Variants in GSN observed in about 807,000 individuals in gnomAD.
GSN encodes actin-depolymerizing factor.
A neutral mutation model predicts 85.7 loss-of-function variants in GSN; 56 were observed. The observed-to-expected ratio is 0.65, with a 90% CI of 0.53 to 0.82. GSN has a LOEUF of 0.82. Ranked by LOEUF, GSN falls within the 40% of genes least tolerant of loss-of-function variation. The probability of loss-of-function intolerance (pLI) is 0.00; values close to 1 mark genes in which losing one functional copy is unlikely to be tolerated. For missense variants in GSN, 857 were observed against 979.8 expected, an observed-to-expected ratio of 0.87 and a Z score of 1.67; for synonymous variants, 373 against 399.1, an observed-to-expected ratio of 0.93 and a Z score of 0.78.
the GSN span, chr9:121,201,823 G>A: frequency 6.6e-6 from 1 of 152,508 alleles, no homozygotes. Flanking sequence ...TGGCAGCGGT[G>A]ACTGCTCCTG....
At chr9:121,243,523 A>G (rs1040577214) in intron 5 of GSN, among the ~76,000 whole-genome samples, 22 of 152,134 alleles carry the variant, frequency 1.4e-4, no homozygotes, top group African/African-American at 5.1e-4. Context: ...TTACTTGTAC[A>G]TTTATTTTTT....
chr9:121,302,966 G>A lies in GSN; in HGVS notation c.252G>A (p.Leu84=), dbSNP rs2060042320. ...CGGCCGCCATCTTTACCGTGCAGCT[G>A]GATGACTACCTGAACGGCCGGGCCG... ...SGAAAIFTVQ[L]DDYLNGRAVQ... Residue 84 remains leucine (L), a synonymous_variant, in exon 4 of 18, where the codon CTG becomes CTA. Coordinates refer to ENST00000432226, the MANE Select transcript of GSN (RefSeq NM_198252.3). The A allele has an allele frequency of 1.2e-5, 19 of 1,613,998 alleles. No individual in the cohort carries two copies. The highest frequency in any genetic ancestry group is 1.6e-5 in the Non-Finnish European group (19 of 1,179,988).
At chr9:121,308,437 T>C (rs577262220) in intron 4 of GSN, 6 of 152,378 alleles carry the variant, frequency 3.9e-5, no homozygotes, top group Non-Finnish European at 7.3e-5. Context: ...TCCAGCACTT[T>C]GGGAGGCCAA....
In GSN at chr9:121,318,149, C is replaced by T. The variant is rs1296391734; in HGVS notation, c.887-257C>T. On this transcript the variant is annotated intron_variant, in intron 8 of 17. Coordinates refer to ENST00000432226, the MANE Select transcript of GSN (RefSeq NM_198252.3). This position sits in a 1 kb window ranked among gnomAD's most constrained non-coding sequence, Gnocchi z 4.3. ...TATTCTGTGAATTAAATAATCTATGCATAGTTCTAAGCACAAAATACATGC... is the reference window on the plus strand; with the variant it reads ...TATTCTGTGAATTAAATAATCTATGTATAGTTCTAAGCACAAAATACATGC... Among the ~76,000 whole-genome samples, 7 of 152,202 alleles carry T rather than the reference C, an allele frequency of 4.6e-5. No homozygotes were observed. Among genetic ancestry groups the T allele is most frequent in the Non-Finnish European group, 7.3e-5 (5 of 68,044 alleles).
upstream of GSN, among the ~76,000 whole-genome samples, chr9:121,267,238 T>C (rs1387660528): frequency 6.6e-6 from 1 of 152,244 alleles, no homozygotes; most frequent in African/African-American, 2.4e-5. Flanking sequence ...TGCTGCATTA[T>C]AAACGGCTAT....
chr9:121,317,263 G>A (rs2061827884), intron 8 of GSN, 45 bp downstream of exon 8: 2 of 1,604,832 alleles, frequency 1.2e-6, no homozygotes. Context: ...GTAGGATCTT[G>A]GATGGGATGT....
At chr9:121,321,523 T>G (rs2062450120) in intron 11 of GSN, 122 bp downstream of exon 11, 1 of 881,038 alleles carries the variant, frequency 1.1e-6, no homozygotes. Flanking sequence ...TGGGAGAGGC[T>G]TTTGTCCACA....
chr9:121,311,330 G>C (rs541232128), intron 5 of GSN: 1 of 194,058 alleles, frequency 5.2e-6, no homozygotes, highest in Admixed American at 5.3e-5. Flanking sequence ...GTGACGCTTT[G>C]TACACACTTG....
At chr9:121,243,679 G>GA (rs2054647896) in intron 5 of GSN, among the ~76,000 whole-genome samples, 2 of 152,198 alleles carry the variant, frequency 1.3e-5, no homozygotes, top group Admixed American at 1.3e-4. Context: ...CTGGGTTCAA[G>GA]AGATTCTCCT....
At chr9:121,207,845 C>A (rs1033744437) in exon 1 of GSN, 1 of 152,046 alleles carries the variant, frequency 6.6e-6, no homozygotes, top group East Asian at 1.9e-4. Context: ...GCCTCCACCT[C>A]CTGGGCTCAA....
Position 121,310,749 on chromosome 9 carries a change from C to A in GSN, c.417C>A (p.Phe139Leu). Residue 139 changes from phenylalanine to leucine, a missense_variant, in exon 5 of 18, where the codon TTC (phenylalanine) becomes TTA (leucine). Coordinates refer to ENST00000432226, the MANE Select transcript of GSN (RefSeq NM_198252.3). Reference sequence around the variant, plus strand: ...ACGAGGTGGTGGTGCAGAGACTCTTCCAGGTCAAAGGGCGGCGTGTGGTCC... The same window carrying A: ...ACGAGGTGGTGGTGCAGAGACTCTTACAGGTCAAAGGGCGGCGTGTGGTCC... ...VPNEVVVQRLFQVKGRRVVRA... is the reference protein window; with the variant it reads ...VPNEVVVQRLLQVKGRRVVRA... The A allele has an allele frequency of 6.2e-7, 1 of 1,614,072 alleles. No homozygotes were observed. Among genetic ancestry groups the A allele is most frequent in the Non-Finnish European group, 8.5e-7 (1 of 1,179,956 alleles).
intron 1 of GSN, among the ~76,000 whole-genome samples, chr9:121,268,741 C>A (rs1478050198): frequency 6.6e-6 from 1 of 152,200 alleles, no homozygotes; most frequent in Non-Finnish European, 1.5e-5. Flanking sequence ...TCTTCAGGCG[C>A]CTGCTACCTG....
intron 10 of GSN, 45 bp from the exon 11 acceptor site, chr9:121,321,223 G>A (rs1185540420): frequency 1.2e-6 from 2 of 1,609,562 alleles, no homozygotes; most frequent in South Asian, 1.1e-5. Context: ...TGAGCTGGGG[G>A]GTGGGGGTGC....
At chr9:121,239,488 T>G in intron 5 of GSN, 1 of 322,082 alleles carries the variant, frequency 3.1e-6, no homozygotes, top group Non-Finnish European at 6.2e-6. Context: ...GTCTTTGGAT[T>G]CATTTAGCAA....
intron 2 of GSN, among the ~76,000 whole-genome samples, chr9:121,300,998 A>G (rs2133177486): frequency 6.6e-6 from 1 of 152,274 alleles, no homozygotes; most frequent in East Asian, 1.9e-4. Flanking sequence ...AAATCTTTCC[A>G]CTTCCAAAGA....
intron 4 of GSN, chr9:121,309,845 T>C (rs1438384556): frequency 6.7e-6 from 1 of 149,524 alleles, no homozygotes; most frequent in Non-Finnish European, 1.5e-5. Flanking sequence ...AACTGTAGTC[T>C]TAGCCACTCG....
intron 4 of GSN, among the ~76,000 whole-genome samples, chr9:121,219,971 T>C (rs528020994): frequency 6.6e-5 from 10 of 152,162 alleles, no homozygotes; most frequent in Non-Finnish European, 1.5e-4. Flanking sequence ...AATCTCCGCC[T>C]CCCAGGTTCA....
At chr9:121,212,800 C>T (rs192924507) in intron 4 of GSN, among the ~76,000 whole-genome samples, 45 of 152,026 alleles carry the variant, frequency 3.0e-4, no homozygotes, top group Non-Finnish European at 6.3e-4. Flanking sequence ...CGCACCACCA[C>T]GCCTGGCTAA....
At chr9:121,224,485 C>T (rs912816571) in intron 4 of GSN, among the ~76,000 whole-genome samples, 1 of 152,110 alleles carries the variant, frequency 6.6e-6, no homozygotes, top group Non-Finnish European at 1.5e-5. Flanking sequence ...CTTCCTCTCT[C>T]CCTAGTGGTA....
Sources: gnomAD v4.1 joint callset for allele counts (sites outside exome capture counted in the v4.1 genomes callset) on GRCh38, gnomAD v4.1.1 for gene constraint, Gnocchi (gnomAD v3.1) non-coding constraint, MANE v1.5 for transcripts, NCBI Gene and HGNC (gene_info 2026-07-23, HGNC 2026-07-21) for gene names.